CANX: variants seen among roughly 807,000 people sequenced by gnomAD.
CANX encodes epididymis secretory sperm binding protein.
In CANX, 14 loss-of-function variants were observed where a neutral mutation model predicts 75.7. That is an observed-to-expected ratio of 0.19 (90% confidence interval 0.12 to 0.29). The LOEUF (loss-of-function observed/expected upper bound fraction) is 0.29, where lower values mean the gene tolerates loss of function less well. Among genes scored for constraint, CANX ranks in the 10% least tolerant of loss-of-function variants. The probability of loss-of-function intolerance (pLI) is 1.00; values close to 1 mark genes in which losing one functional copy is unlikely to be tolerated. For missense variants in CANX, 567 were observed against 713.2 expected, an observed-to-expected ratio of 0.79 and a Z score of 2.34; for synonymous variants, 227 against 236.9, an observed-to-expected ratio of 0.96 and a Z score of 0.38.
Position 179,729,772 on chromosome 5 carries a change from TAA to T in CANX, c.*1130_*1131del, listed in dbSNP as rs1388726681. ...TTTTATCCATTTCTTTTACTCTGTG[TAA>T]AGACTTGAGAAGTCTAATTCACAGG... On this transcript the variant is annotated 3_prime_UTR_variant, in exon 15 of 15. Coordinates refer to ENST00000247461, the MANE Select transcript of CANX (RefSeq NM_001746.4). The T allele has an allele frequency of 6.6e-6, 1 of 152,666 alleles. No homozygotes were observed. The highest frequency in any genetic ancestry group is 1.5e-5 in the Non-Finnish European group (1 of 68,042). 9.5% of individuals were successfully genotyped at this position (152,666 alleles called of 1,614,324 possible). A position where few individuals can be genotyped will look rare whatever the true frequency, so the allele number is the denominator to read the frequency against.
chr5:179,705,768 T>G lies in CANX; in HGVS notation c.87T>G (p.Ile29Met), dbSNP rs146806845. ...EAHDGHDDDVIDIEDDLDDVI... is the reference protein window; with the variant it reads ...EAHDGHDDDVMDIEDDLDDVI... ...ATGATGGACATGATGATGATGTGAT[T>G]GATATTGAGGATGACCTTGACGATG... is the stretch of plus-strand genomic sequence containing the variant. The change falls in exon 2 of 15, where the codon ATT becomes ATG. Residue 29 changes from isoleucine (I) to methionine (M), a missense_variant. Coordinates refer to ENST00000247461, the MANE Select transcript of CANX (RefSeq NM_001746.4). 4.1e-5 allele frequency: 66 copies of G among 1,610,092 alleles called. No homozygotes were observed. In the African/African-American group the frequency reaches 7.5e-4, roughly 18 times the overall value.
chr5:179,685,360 C>T (rs974886207), intron 1 of CANX, among the ~76,000 whole-genome samples: 1 of 149,446 alleles, frequency 6.7e-6, no homozygotes, highest in African/African-American at 2.5e-5. Context: ...CTGCAACCTC[C>T]ACCTCAGCCT....
intron 1 of CANX, among the ~76,000 whole-genome samples, chr5:179,688,626 G>C (rs549174029): frequency 6.6e-6 from 1 of 151,388 alleles, no homozygotes; most frequent in South Asian, 2.1e-4. Context: ...GCCTCCCAAA[G>C]TGCTGGGATA....
rs1367113779 is a variant in CANX, at chr5:179,729,838, A to C, written c.*1194A>C. Reference sequence around the variant, plus strand: ...AATTGACTGCAGTTGAACAGACTAGAAGTATTTGTGGGAGGAGTGACATGA... The same window carrying C: ...AATTGACTGCAGTTGAACAGACTAGCAGTATTTGTGGGAGGAGTGACATGA... On this transcript the variant is annotated 3_prime_UTR_variant, in exon 15 of 15. Coordinates refer to ENST00000247461, the MANE Select transcript of CANX (RefSeq NM_001746.4). 6.6e-6 allele frequency: 1 copy of C among 152,604 alleles called. No homozygotes were observed. The highest frequency in any genetic ancestry group is 2.4e-5 in the African/African-American group (1 of 41,436). 9.5% of individuals were successfully genotyped at this position (152,604 alleles called of 1,614,324 possible). A position where few individuals can be genotyped will look rare whatever the true frequency, so the allele number is the denominator to read the frequency against.
chr5:179,723,535 A>G, intron 11 of CANX, 125 bp from the exon 12 acceptor site: 2 of 891,724 alleles, frequency 2.2e-6, no homozygotes. Context: ...ACATTTTATG[A>G]GCATTTTCTC....
chr5:179,728,650 T>C lies in CANX; in HGVS notation c.*6T>C, dbSNP rs1778820301. 3 of 1,602,612 alleles carry C rather than the reference T, an allele frequency of 1.9e-6. No individual in the cohort carries two copies. The highest frequency in any genetic ancestry group is 2.6e-6 in the Non-Finnish European group (3 of 1,169,706). ...GAAAGCCACGAAGAGAGTGAAACAATCTTAAGAGCTTGATCTGTGATTTCT... is the reference window on the plus strand; with the variant it reads ...GAAAGCCACGAAGAGAGTGAAACAACCTTAAGAGCTTGATCTGTGATTTCT... On this transcript the variant is annotated 3_prime_UTR_variant, in exon 15 of 15. Coordinates refer to ENST00000247461, the MANE Select transcript of CANX (RefSeq NM_001746.4).
intron 6 of CANX, 89 bp from the exon 7 acceptor site, chr5:179,709,784 T>C: frequency 4.7e-6 from 4 of 843,832 alleles, no homozygotes; most frequent in Non-Finnish European, 7.3e-6. Context: ...TTTGGAATTT[T>C]ATAAGAGGAA....
At chr5:179,699,378 T>A (rs1277601702) in intron 1 of CANX, among the ~76,000 whole-genome samples, 2 of 152,194 alleles carry the variant, frequency 1.3e-5, no homozygotes, top group African/African-American at 4.8e-5. Context: ...GACTTATTCC[T>A]ATGGCTTTGC....
At chr5:179,714,006 T>C (rs541820460) in intron 7 of CANX, among the ~76,000 whole-genome samples, 2 of 152,218 alleles carry the variant, frequency 1.3e-5, no homozygotes, top group South Asian at 2.1e-4. Context: ...TTTGTTCTTT[T>C]TGTTTTTTTG....
At chr5:179,699,979 G>T (rs560655315) in intron 1 of CANX, among the ~76,000 whole-genome samples, 3 of 152,306 alleles carry the variant, frequency 2.0e-5, no homozygotes, top group Admixed American at 1.3e-4. Context: ...CGATGGATTT[G>T]TGAGGATTAA....
chr5:179,724,307 T>C (rs1277508365), intron 12 of CANX, among the ~76,000 whole-genome samples: 2 of 152,208 alleles, frequency 1.3e-5, no homozygotes, highest in African/African-American at 2.4e-5. Flanking sequence ...AAATGAGGAT[T>C]ATGCTTCATC....
intron 6 of CANX, 70 bp downstream of exon 6, chr5:179,709,129 C>A: frequency 1.0e-6 from 1 of 958,284 alleles, no homozygotes; most frequent in Non-Finnish European, 1.7e-6. Context: ...TGTAATTGGG[C>A]CGGGTGCAGT....
chr5:179,728,611 A>G lies in CANX; in HGVS notation c.1746A>G (p.Arg582=), dbSNP rs761816122. The change falls in exon 15 of 15, where the codon AGA becomes AGG. Residue 582 remains arginine, a synonymous_variant. Coordinates refer to ENST00000247461, the MANE Select transcript of CANX (RefSeq NM_001746.4). ...PKAEEDEILN[R]SPRNRKPRRE ...AATAGGAGGATGAAATTTTGAACAG[A>G]TCACCAAGAAACAGAAAGCCACGAA... 6.2e-6 allele frequency: 10 copies of G among 1,605,334 alleles called. No individual in the cohort carries two copies. In the Admixed American group the frequency reaches 1.7e-4, roughly 27 times the overall value.
At chr5:179,723,845 A>C (rs1778471675) in intron 12 of CANX, 66 bp downstream of exon 12, 1 of 1,424,404 alleles carries the variant, frequency 7.0e-7, no homozygotes, top group African/African-American at 1.4e-5. Context: ...AAAAATAACT[A>C]AGATATGTTG....
chr5:179,696,844 G>C (rs1021399124), upstream of CANX, among the ~76,000 whole-genome samples: 1 of 152,166 alleles, frequency 6.6e-6, no homozygotes, highest in Non-Finnish European at 1.5e-5. Flanking sequence ...CAGATGCTGT[G>C]TTTTTACAAA....
At chr5:179,678,909 G>A in intron 1 of CANX, 1 of 1,535,020 alleles carries the variant, frequency 6.5e-7, no homozygotes, top group Non-Finnish European at 8.7e-7. Flanking sequence ...CGCCCGCCGC[G>A]GAACACGAAG....
rs1488304736 is a variant in CANX, at chr5:179,729,069, T to TA, written c.*428dup. ...TGCAGTTTTTATAATAGATTTTTTT[T>TA]AAAGTTTGGTATTGTAAAACATTCA... On this transcript the variant is annotated 3_prime_UTR_variant, in exon 15 of 15. Transcript: ENST00000247461. The TA allele has an allele frequency of 8.4e-6, 2 of 237,000 alleles. No individual in the cohort carries two copies. Among genetic ancestry groups the TA allele is most frequent in the African/African-American group, 2.4e-5 (1 of 42,168 alleles). 14.7% of individuals were successfully genotyped at this position (237,000 alleles called of 1,614,324 possible).
At position 179,728,914 on chromosome 5, in the gene CANX, T is replaced by G. The variant is rs766797346; in HGVS notation, c.*270T>G. The G allele has an allele frequency of 6.6e-5, 31 of 467,126 alleles. No individual in the cohort carries two copies. The highest frequency in any genetic ancestry group is 1.2e-4 in the Non-Finnish European group (30 of 256,250). The allele number at this position is 467,126 out of a possible 1,614,324, so 28.9% of individuals were successfully genotyped here. The stretch of plus-strand genomic sequence containing the variant: ...AACATGAAGCAAACTAACTTTTTTT[T>G]TTTTAACATCTTTGTTTTTAAAATA... On this transcript the variant is annotated 3_prime_UTR_variant, in exon 15 of 15. Coordinates refer to ENST00000247461, the MANE Select transcript of CANX (RefSeq NM_001746.4).
upstream of CANX, chr5:179,694,801 A>C (rs1481539759): frequency 2.1e-6 from 1 of 486,718 alleles, no homozygotes; most frequent in South Asian, 2.2e-5. Flanking sequence ...AAAAAAAAGT[A>C]AATGGATAAA....
Sources: allele counts gnomAD v4.1 joint callset (sites outside exome capture counted in the v4.1 genomes callset), GRCh38; gene constraint gnomAD v4.1.1; transcripts MANE v1.5; gene names NCBI Gene and HGNC (gene_info 2026-07-23, HGNC 2026-07-21).